GPC6: variants seen among roughly 807,000 people sequenced by gnomAD.
The protein encoded by GPC6 is glypican 6.
A neutral mutation model predicts 55.2 loss-of-function variants in GPC6; 14 were observed. The observed-to-expected ratio is 0.25, with a 90% CI of 0.17 to 0.40. GPC6 has a LOEUF of 0.40. GPC6 is among the 10% of genes least tolerant of loss of function. The pLI, the probability that GPC6 is intolerant of heterozygous loss-of-function variation, is 1.00. For synonymous variants in GPC6, 278 were observed against 259.6 expected, an observed-to-expected ratio of 1.07 and a Z score of -0.68; for missense variants, 641 against 708.5, an observed-to-expected ratio of 0.90 and a Z score of 1.08.
intron 3 of GPC6, among the ~76,000 whole-genome samples, chr13:94,000,319 C>T (rs566661210): frequency 2.6e-5 from 4 of 152,206 alleles, no homozygotes; most frequent in East Asian, 3.9e-4. Flanking sequence ...CCTTTGAAAT[C>T]CATTTATACT....
chr13:93,565,706 G>A (rs1010638464), intron 2 of GPC6, among the ~76,000 whole-genome samples: 13 of 152,100 alleles, frequency 8.5e-5, no homozygotes, highest in African/African-American at 1.4e-4. Flanking sequence ...GGTGGATCAC[G>A]AGGTCAAGAG....
intron 6 of GPC6, among the ~76,000 whole-genome samples, chr13:94,326,358 A>T (rs773928794): frequency 1.3e-5 from 2 of 152,154 alleles, no homozygotes; most frequent in Non-Finnish European, 2.9e-5. Context: ...TGGCACAAGG[A>T]CAGCATATCA....
chr13:93,694,578 A>G (rs192260860), intron 2 of GPC6, among the ~76,000 whole-genome samples: 2 of 152,300 alleles, frequency 1.3e-5, no homozygotes, highest in Non-Finnish European at 2.9e-5. Context: ...TTACCCTTGC[A>G]AGATTGCCTA....
chr13:93,860,835 A>G (rs1386736905), intron 3 of GPC6, among the ~76,000 whole-genome samples: 2 of 151,700 alleles, frequency 1.3e-5, no homozygotes, highest in African/African-American at 4.8e-5. Flanking sequence ...TATAACAGCA[A>G]TTTTGAATCT....
intron 3 of GPC6, among the ~76,000 whole-genome samples, chr13:93,926,381 C>T (rs1877860943): frequency 6.6e-6 from 1 of 152,146 alleles, no homozygotes; most frequent in Non-Finnish European, 1.5e-5. Flanking sequence ...TCTTGGCCAC[C>T]AAGGACAGTT....
At chr13:94,365,720 A>G (rs17253857) in intron 6 of GPC6, among the ~76,000 whole-genome samples, 16,928 of 152,140 alleles carry the variant, frequency 0.11, 1,156 homozygotes, top group East Asian at 0.32. Context: ...GGGTACTCTC[A>G]CTGTTGGATG....
chr13:93,322,576 A>T (rs1879493425), intron 1 of GPC6, among the ~76,000 whole-genome samples: 1 of 150,944 alleles, frequency 6.6e-6, no homozygotes, highest in South Asian at 2.1e-4. Context: ...AGCTGGGATT[A>T]CAGGTGCCCG....
At chr13:93,730,719 G>T (rs1371066017) in intron 2 of GPC6, among the ~76,000 whole-genome samples, 1 of 152,172 alleles carries the variant, frequency 6.6e-6, no homozygotes, top group East Asian at 1.9e-4. Flanking sequence ...TTTTCAGGTT[G>T]AATAGTCAAC....
At chr13:94,325,486 G>C (rs1014490846) in intron 6 of GPC6, among the ~76,000 whole-genome samples, 2 of 152,116 alleles carry the variant, frequency 1.3e-5, no homozygotes, top group Non-Finnish European at 2.9e-5. Context: ...GGGATTCAAG[G>C]TCCTCATTTT....
chr13:94,371,453 T>A (rs1035543918), intron 6 of GPC6, among the ~76,000 whole-genome samples: 2 of 152,128 alleles, frequency 1.3e-5, no homozygotes, highest in Non-Finnish European at 2.9e-5. Context: ...AATTTGAATC[T>A]CATCTCCACC....
At chr13:93,671,394 G>T (rs958025499) in intron 2 of GPC6, among the ~76,000 whole-genome samples, 7 of 151,798 alleles carry the variant, frequency 4.6e-5, no homozygotes, top group African/African-American at 1.5e-4. Context: ...CCTGCCTTCT[G>T]GTTCAACTTC....
At chr13:93,989,074 A>C (rs1881169768) in intron 3 of GPC6, among the ~76,000 whole-genome samples, 1 of 152,172 alleles carries the variant, frequency 6.6e-6, no homozygotes, top group Non-Finnish European at 1.5e-5. Context: ...CTTTTCATAC[A>C]ATTGGAAAAA....
At chr13:94,157,578 A>C (rs1887999169) in intron 4 of GPC6, among the ~76,000 whole-genome samples, 1 of 152,174 alleles carries the variant, frequency 6.6e-6, no homozygotes, top group Non-Finnish European at 1.5e-5. Flanking sequence ...TATAAAGGAA[A>C]CCAGGAAATA....
intron 1 of GPC6, among the ~76,000 whole-genome samples, chr13:93,378,985 A>G (rs1875039761): frequency 7.4e-6 from 1 of 135,844 alleles, no homozygotes. Flanking sequence ...ACAAAGCAAA[A>G]CTCCATCTCA....
intron 2 of GPC6, among the ~76,000 whole-genome samples, chr13:93,707,801 G>C (rs1882904959): frequency 6.6e-6 from 1 of 151,644 alleles, no homozygotes; most frequent in Admixed American, 6.6e-5. Flanking sequence ...TTTTCTTCTA[G>C]ATGATCTGGT....
intron 3 of GPC6, among the ~76,000 whole-genome samples, chr13:93,894,940 AT>A (rs1445957953): frequency 2.0e-5 from 3 of 151,656 alleles, no homozygotes; most frequent in Non-Finnish European, 4.4e-5. Flanking sequence ...TTTCTCAACC[AT>A]TTTTTAGTAA....
intron 4 of GPC6, among the ~76,000 whole-genome samples, chr13:94,119,613 A>G (rs985591206): frequency 2.6e-5 from 4 of 152,126 alleles, no homozygotes; most frequent in Non-Finnish European, 5.9e-5. Context: ...GAGAAGCACC[A>G]TACACAGAAA....
chr13:93,709,311 G>T (rs1347504784), intron 2 of GPC6, among the ~76,000 whole-genome samples: 1 of 151,748 alleles, frequency 6.6e-6, no homozygotes, highest in Admixed American at 6.6e-5. Context: ...AACCTTCTGT[G>T]TGTGGCTGTT....
chr13:93,946,121 C>T (rs1009617106), intron 3 of GPC6, among the ~76,000 whole-genome samples: 2 of 152,100 alleles, frequency 1.3e-5, no homozygotes, highest in Non-Finnish European at 2.9e-5. Context: ...CTATCATGGC[C>T]AATTTCTAGC....
Sources: allele counts gnomAD v4.1 joint callset (sites outside exome capture counted in the v4.1 genomes callset), GRCh38; gene constraint gnomAD v4.1.1; transcripts MANE v1.5; gene names NCBI Gene and HGNC (gene_info 2026-07-23, HGNC 2026-07-21).